Variants in PBK observed in about 807,000 individuals in gnomAD.
The protein encoded by PBK is PDZ binding kinase, also known as lymphokine-activated killer T-cell-originated protein kinase.
PBK carries 22 observed loss-of-function variants against 33.5 expected under a neutral mutation model. The ratio of observed to expected loss-of-function variants is 0.66; its 90% confidence interval spans 0.47 to 0.94. PBK has a LOEUF of 0.94. Ranked by LOEUF, PBK falls within the 40% of genes least tolerant of loss-of-function variation. The pLI, the probability that PBK is intolerant of heterozygous loss-of-function variation, is 0.00. For synonymous variants in PBK, 129 were observed against 123.8 expected (o/e 1.04, Z -0.28); for missense variants, 376 against 383.4 (o/e 0.98, Z 0.16).
chr8:27,813,741 G>A (rs565202878), intron 6 of PBK, among the ~76,000 whole-genome samples: 21 of 152,088 alleles, frequency 1.4e-4, no homozygotes, highest in Admixed American at 4.6e-4. Flanking sequence ...GTGACCTAAC[G>A]TACAGCATAG....
At chr8:27,825,330 T>C (rs1201885561) in intron 3 of PBK, among the ~76,000 whole-genome samples, 2 of 152,106 alleles carry the variant, frequency 1.3e-5, no homozygotes, top group Non-Finnish European at 2.9e-5. Context: ...CCCAGCTACT[T>C]GGGAGGCTGA....
intron 5 of PBK, among the ~76,000 whole-genome samples, chr8:27,822,033 G>T (rs1172655915): frequency 6.6e-6 from 1 of 152,194 alleles, no homozygotes; most frequent in Non-Finnish European, 1.5e-5. Context: ...TAGCCCAGGT[G>T]TGTAGTTGGC....
In PBK at chr8:27,810,086, A is replaced by T. The variant is rs1460434080; in HGVS notation, c.*219T>A. On this transcript the variant is annotated 3_prime_UTR_variant, in exon 8 of 8. Transcript: ENST00000301905. ...ATGAGCAGTATCAAAGTACTTATGT[A>T]GCTAGTTTCTAAAACTTTACAGAAA... The T allele has an allele frequency of 2.0e-6, 1 of 509,480 alleles. No homozygotes were observed. The highest frequency in any genetic ancestry group is 3.4e-6 in the Non-Finnish European group (1 of 291,970). The allele number at this position is 509,480 out of a possible 1,614,324, so 31.6% of individuals were successfully genotyped here. A position where few individuals can be genotyped will look rare whatever the true frequency, so the allele number is the denominator to read the frequency against.
intron 3 of PBK, 139 bp from the exon 4 acceptor site, chr8:27,823,344 C>T (rs1047471978): frequency 1.6e-5 from 9 of 575,786 alleles, no homozygotes; most frequent in African/African-American, 1.3e-4. Context: ...GGACTATGAA[C>T]ACCTCTGCTA....
At chr8:27,819,297 C>T (rs545093778) in intron 6 of PBK, among the ~76,000 whole-genome samples, 13 of 149,442 alleles carry the variant, frequency 8.7e-5, no homozygotes, top group African/African-American at 2.9e-4. Flanking sequence ...GTTCTTAGGG[C>T]GTCATTTTTT....
chr8:27,829,436 C>A (rs989058506), intron 2 of PBK, among the ~76,000 whole-genome samples: 1 of 152,098 alleles, frequency 6.6e-6, no homozygotes, highest in Non-Finnish European at 1.5e-5. Flanking sequence ...GGTAACTTAA[C>A]CTCAGACCAT....
At chr8:27,832,897 C>G (rs1806155677) in intron 2 of PBK, 159 bp downstream of exon 2, 1 of 540,238 alleles carries the variant, frequency 1.9e-6, no homozygotes, top group East Asian at 3.4e-5. Context: ...AAACCGTGGC[C>G]TATAAAATAA....
At position 27,835,141 on chromosome 8, in the gene PBK, G is replaced by C. The variant is rs116875136; in HGVS notation, c.-20-2008C>G. On this transcript the variant is annotated intron_variant, in intron 1 of 7. Coordinates refer to ENST00000301905, the MANE Select transcript of PBK (RefSeq NM_018492.4). ...GACAGATTTGCTTAAATTTTTTATA[G>C]AGCCCTTAATAATAGCATCTTTAAA... Among the ~76,000 whole-genome samples, 11 of 152,030 alleles carry C rather than the reference G, an allele frequency of 7.2e-5. No individual in the cohort carries two copies. The East Asian group carries it at 2.1e-3, about 29-fold the overall frequency.
intron 2 of PBK, among the ~76,000 whole-genome samples, chr8:27,828,638 A>T (rs534123144): frequency 1.3e-5 from 2 of 151,430 alleles, no homozygotes; most frequent in African/African-American, 2.4e-5. Context: ...ATGATGGCAC[A>T]CACCTGTGGT....
intron 6 of PBK, among the ~76,000 whole-genome samples, chr8:27,815,895 A>C (rs570223005): frequency 6.6e-6 from 1 of 152,242 alleles, no homozygotes; most frequent in Admixed American, 6.5e-5. Context: ...TTGTTCTGAC[A>C]ACAAAAGTTT....
intron 1 of PBK, among the ~76,000 whole-genome samples, chr8:27,833,897 G>C (rs1201904697): frequency 2.6e-5 from 4 of 152,124 alleles, no homozygotes; most frequent in Admixed American, 2.0e-4. Context: ...ACAAAATGTG[G>C]CATATCTATA....
At position 27,810,311 on chromosome 8, in the gene PBK, A is replaced by G. The variant is rs371650486; in HGVS notation, c.963T>C (p.Asp321=). The change falls in exon 8 of 8, where the codon GAT becomes GAC. Residue 321 remains aspartate, a synonymous_variant. Coordinates refer to ENST00000301905, the MANE Select transcript of PBK (RefSeq NM_018492.4). ...AAHIVEALET[D]V is the part of the protein sequence containing the mutation. ...ACTTCAGCTGAGATGATCACTAGAC[A>G]TCTGTTTCCAGAGCTTCAACAATGT... 6.2e-7 allele frequency: 1 copy of G among 1,608,014 alleles called. No homozygotes were observed. The highest frequency in any genetic ancestry group is 2.2e-5 in the East Asian group (1 of 44,834).
Position 27,823,202 on chromosome 8 carries a change from A to C in PBK, c.156T>G (p.Ser52=), listed in dbSNP as rs778466975. The stretch of plus-strand genomic sequence containing the variant: ...AAGGAGAATGAGACAAACCTCTTGG[A>C]GATCTAAGAAAAAAATTCATTTAAA... ...TGVNVYLMKR[S]PRGLSHSPWA... is the part of the protein sequence containing the mutation. The change falls in exon 4 of 8, where the codon TCT becomes TCG. Residue 52 remains serine, a synonymous_variant. Transcript: ENST00000301905. 2.0e-6 allele frequency: 3 copies of C among 1,493,228 alleles called. No individual in the cohort carries two copies. The highest frequency in any genetic ancestry group is 2.7e-6 in the Non-Finnish European group (3 of 1,098,792). 92.5% of individuals were successfully genotyped at this position (1,493,228 alleles called of 1,614,324 possible).
intron 3 of PBK, among the ~76,000 whole-genome samples, chr8:27,826,543 GCC>G (rs1806026768): frequency 6.8e-6 from 1 of 146,338 alleles, no homozygotes; most frequent in African/African-American, 2.6e-5. Flanking sequence ...TCAGCTATTT[GCC>G]CAGCACTTTG....
chr8:27,821,579 A>ATAAG (rs1805930034), intron 5 of PBK, among the ~76,000 whole-genome samples: 1 of 152,210 alleles, frequency 6.6e-6, no homozygotes, highest in Non-Finnish European at 1.5e-5. Context: ...ATTTTTATAT[A>ATAAG]TAAGTATGTA....
intron 2 of PBK, among the ~76,000 whole-genome samples, chr8:27,831,649 TGATTAA>T (rs1806133415): frequency 6.7e-6 from 1 of 149,862 alleles, no homozygotes; most frequent in African/African-American, 2.5e-5. Context: ...CAAGTCAGAC[TGATTAA>T]GGAAAAAAAT....
intron 6 of PBK, chr8:27,811,453 G>T (rs545434582): frequency 4.3e-6 from 2 of 463,822 alleles, no homozygotes; most frequent in Admixed American, 7.1e-5. Flanking sequence ...AAAGACATGT[G>T]TGTGCAAGCT....
intron 5 of PBK, among the ~76,000 whole-genome samples, chr8:27,822,050 A>G (rs1216046117): frequency 1.3e-5 from 2 of 152,280 alleles, no homozygotes; most frequent in African/African-American, 2.4e-5. Context: ...TGGCTCTACC[A>G]TCTAGGTGTG....
chr8:27,813,815 A>C (rs1805753083), intron 6 of PBK, among the ~76,000 whole-genome samples: 1 of 152,170 alleles, frequency 6.6e-6, no homozygotes, highest in Non-Finnish European at 1.5e-5. Flanking sequence ...GTTGGTCAAG[A>C]TGTAGTGTTC....
Sources: gnomAD v4.1 joint callset for allele counts (sites outside exome capture counted in the v4.1 genomes callset) on GRCh38, gnomAD v4.1.1 for gene constraint, MANE v1.5 for transcripts, NCBI Gene and HGNC (gene_info 2026-07-23, HGNC 2026-07-21) for gene names.